Variants in SHISA9 observed in about 807,000 individuals in gnomAD.
SHISA9 encodes protein shisa-9.
SHISA9 carries 13 observed loss-of-function variants against 38.0 expected under a neutral mutation model. The ratio of observed to expected loss-of-function variants is 0.34; its 90% CI spans 0.22 to 0.54. SHISA9 has a LOEUF of 0.54. Among genes scored for constraint, SHISA9 ranks in the 20% least tolerant of loss-of-function variants. The pLI is 0.91. For missense variants in SHISA9, 538 were observed against 575.8 expected, an observed-to-expected ratio of 0.93 and a Z score of 0.67; for synonymous variants, 275 against 242.0, an observed-to-expected ratio of 1.14 and a Z score of -1.27.
At chr16:13,220,243 A>T (rs550552606) in intron 4 of SHISA9, among the ~76,000 whole-genome samples, 92 of 152,258 alleles carry the variant, frequency 6.0e-4, no homozygotes, top group South Asian at 3.1e-3. Context: ...TGGGTGATCT[A>T]GGCTGGTTTT....
At chr16:13,035,336 A>G (rs2073042081) in intron 2 of SHISA9, among the ~76,000 whole-genome samples, 1 of 152,138 alleles carries the variant, frequency 6.6e-6, no homozygotes, top group Non-Finnish European at 1.5e-5. Context: ...CCAGCTAGGA[A>G]AGAGTTGGTT....
chr16:13,362,896 G>A, the SHISA9 span, among the ~76,000 whole-genome samples: 1 of 152,086 alleles, frequency 6.6e-6, no homozygotes, highest in African/African-American at 2.4e-5. Flanking sequence ...GACTTCTCAA[G>A]GGATTCCTCT....
chr16:13,375,385 C>T, the SHISA9 span, among the ~76,000 whole-genome samples: 1 of 152,184 alleles, frequency 6.6e-6, no homozygotes, highest in African/African-American at 2.4e-5. Context: ...CAGCTTTCTA[C>T]ATATGGCTAG....
At chr16:13,299,736 C>T in the SHISA9 span, among the ~76,000 whole-genome samples, 7 of 151,668 alleles carry the variant, frequency 4.6e-5, no homozygotes, top group South Asian at 2.1e-4. Flanking sequence ...AAAAAAAACC[C>T]GACAATTGGC....
intron 2 of SHISA9, among the ~76,000 whole-genome samples, chr16:13,069,106 A>G (rs2073474323): frequency 6.6e-6 from 1 of 150,878 alleles, no homozygotes; most frequent in Non-Finnish European, 1.5e-5. Flanking sequence ...GTGTGTATAC[A>G]TGTGTACATG....
the SHISA9 span, among the ~76,000 whole-genome samples, chr16:13,476,132 C>G: frequency 2.6e-5 from 4 of 152,066 alleles, no homozygotes; most frequent in Admixed American, 6.5e-5. Flanking sequence ...AGAAATTGAC[C>G]CTTCTGGTCT....
chr16:13,313,867 A>G, the SHISA9 span, among the ~76,000 whole-genome samples: 1 of 152,228 alleles, frequency 6.6e-6, no homozygotes, highest in Non-Finnish European at 1.5e-5. Context: ...CCAATTTTCT[A>G]TAGCAGAATT....
At chr16:13,403,673 C>T in the SHISA9 span, among the ~76,000 whole-genome samples, 1 of 152,178 alleles carries the variant, frequency 6.6e-6, no homozygotes, top group South Asian at 2.1e-4. Flanking sequence ...GAGGGAAACA[C>T]ATTATTAACA....
At chr16:12,914,734 C>G (rs1033385867) in intron 1 of SHISA9, among the ~76,000 whole-genome samples, 1 of 152,204 alleles carries the variant, frequency 6.6e-6, no homozygotes, top group Non-Finnish European at 1.5e-5. Context: ...ATCGACAGTT[C>G]CCCATGCTTG....
the SHISA9 span, among the ~76,000 whole-genome samples, chr16:13,457,499 T>C: frequency 1.3e-5 from 2 of 151,952 alleles, no homozygotes; most frequent in Non-Finnish European, 2.9e-5. Flanking sequence ...ACCACCTATA[T>C]AGGAAAATCC....
At chr16:12,970,389 G>GTGTA (rs1370365150) in intron 2 of SHISA9, among the ~76,000 whole-genome samples, 55 of 34,704 alleles carry the variant, frequency 1.6e-3, no homozygotes, top group African/African-American at 4.5e-3. Context: ...ATACATATAT[G>GTGTA]TATATATATA....
At chr16:13,348,109 A>T in the SHISA9 span, among the ~76,000 whole-genome samples, 1 of 152,302 alleles carries the variant, frequency 6.6e-6, no homozygotes, top group East Asian at 1.9e-4. Context: ...GTTAGTTGTT[A>T]TGGCAGCCAC....
At chr16:12,954,694 G>T (rs367918843) in intron 2 of SHISA9, among the ~76,000 whole-genome samples, 3 of 152,020 alleles carry the variant, frequency 2.0e-5, no homozygotes, top group African/African-American at 7.3e-5. Flanking sequence ...ATATTCTGTG[G>T]AATAAATACT....
the SHISA9 span, among the ~76,000 whole-genome samples, chr16:13,282,829 A>G: frequency 2.6e-5 from 4 of 151,898 alleles, no homozygotes; most frequent in Non-Finnish European, 5.9e-5. Context: ...TAGCCTTTTC[A>G]TTTGATTTTT....
chr16:13,329,488 C>T, the SHISA9 span, among the ~76,000 whole-genome samples: 47 of 152,288 alleles, frequency 3.1e-4, no homozygotes, highest in East Asian at 8.3e-3. Context: ...TCACCCCTCC[C>T]TCCAGCCACA....
chr16:13,439,124 T>C, the SHISA9 span, among the ~76,000 whole-genome samples: 1 of 152,078 alleles, frequency 6.6e-6, no homozygotes, highest in Non-Finnish European at 1.5e-5. Context: ...GTCAAACTCA[T>C]AGAAGCAGAG....
chr16:12,970,490 T>TATAC (rs2072063056), intron 2 of SHISA9, among the ~76,000 whole-genome samples: 1 of 28,836 alleles, frequency 3.5e-5, no homozygotes, highest in African/African-American at 1.2e-4. Context: ...TATATATATA[T>TATAC]ATATATATTT....
chr16:13,012,308 C>T (rs540643063), intron 2 of SHISA9, among the ~76,000 whole-genome samples: 1 of 152,124 alleles, frequency 6.6e-6, no homozygotes, highest in Admixed American at 6.5e-5. Flanking sequence ...TCAAGTGGCC[C>T]TCTCTGCAGA....
chr16:12,925,091 A>G (rs2071376638), intron 2 of SHISA9, among the ~76,000 whole-genome samples: 1 of 152,198 alleles, frequency 6.6e-6, no homozygotes, highest in Non-Finnish European at 1.5e-5. Flanking sequence ...ATCGGCATGA[A>G]TTCATTGTGC....
Sources: gnomAD v4.1 joint callset for allele counts (sites outside exome capture counted in the v4.1 genomes callset) on GRCh38, gnomAD v4.1.1 for gene constraint, MANE v1.5 for transcripts, NCBI Gene and HGNC (gene_info 2026-07-23, HGNC 2026-07-21) for gene names.